CCDC15: variants seen among roughly 807,000 people sequenced by gnomAD.
CCDC15 encodes the protein coiled-coil domain containing 15.
CCDC15 carries 105 observed loss-of-function variants against 114.5 expected under a neutral mutation model. That is an observed-to-expected ratio of 0.92 (90% CI 0.78 to 1.08). The LOEUF (loss-of-function observed/expected upper bound fraction) is 1.08, where lower values mean the gene tolerates loss of function less well. CCDC15 is among the 50% of genes least tolerant of loss of function. The pLI, the probability that CCDC15 is intolerant of heterozygous loss-of-function variation, is 0.00. For synonymous variants in CCDC15, 334 were observed against 377.8 expected, an observed-to-expected ratio of 0.88 and a Z score of 1.34; for missense variants, 1,105 against 1,093.6, an observed-to-expected ratio of 1.01 and a Z score of -0.15.
At chr11:125,025,717 CAT>C (rs1288603279) in intron 13 of CCDC15, among the ~76,000 whole-genome samples, 1 of 151,800 alleles carries the variant, frequency 6.6e-6, no homozygotes, top group Admixed American at 6.6e-5. Context: ...TTATTAATGT[CAT>C]ATTTATTGAT....
At chr11:125,004,307 C>G (rs747049414) in intron 12 of CCDC15, among the ~76,000 whole-genome samples, 1 of 151,498 alleles carries the variant, frequency 6.6e-6, no homozygotes, top group Non-Finnish European at 1.5e-5. Context: ...GTTCTTAACC[C>G]TGGCCATGCA....
intron 6 of CCDC15, among the ~76,000 whole-genome samples, chr11:124,978,811 A>G (rs879411057): frequency 1.9e-5 from 2 of 105,418 alleles, no homozygotes; most frequent in Admixed American, 9.7e-5. Context: ...ATTAGATCCC[A>G]TTTGTCATTT....
At chr11:125,007,673 T>G (rs945425836) in intron 13 of CCDC15, among the ~76,000 whole-genome samples, 3 of 152,192 alleles carry the variant, frequency 2.0e-5, no homozygotes, top group African/African-American at 7.2e-5. Context: ...TTTCCATAAT[T>G]TCTGTATTAA....
At chr11:124,977,816 C>T (rs1948000862) in intron 6 of CCDC15, among the ~76,000 whole-genome samples, 1 of 152,070 alleles carries the variant, frequency 6.6e-6, no homozygotes, top group Non-Finnish European at 1.5e-5. Flanking sequence ...ACTGTTACCA[C>T]AATCTAATTT....
At chr11:125,027,470 T>C (rs569903680) in intron 13 of CCDC15, among the ~76,000 whole-genome samples, 1 of 152,226 alleles carries the variant, frequency 6.6e-6, no homozygotes, top group Non-Finnish European at 1.5e-5. Flanking sequence ...GGTTTTAATA[T>C]GCATTTCCCT....
At chr11:125,023,707 G>A (rs1948676930) in intron 13 of CCDC15, among the ~76,000 whole-genome samples, 1 of 151,980 alleles carries the variant, frequency 6.6e-6, no homozygotes, top group South Asian at 2.1e-4. Flanking sequence ...AATGTAAAAT[G>A]GTACAGCCAC....
chr11:125,039,390 A>C (rs1166042105), intron 15 of CCDC15: 1 of 229,568 alleles, frequency 4.4e-6, no homozygotes, highest in Non-Finnish European at 8.4e-6. Context: ...TATCCAGTTG[A>C]ATTCCCTATT....
chr11:125,013,161 C>T (rs1465526712), intron 13 of CCDC15, among the ~76,000 whole-genome samples: 1 of 151,956 alleles, frequency 6.6e-6, no homozygotes, highest in African/African-American at 2.4e-5. Context: ...AATTATAATG[C>T]TTAAAGTGAG....
intron 8 of CCDC15, among the ~76,000 whole-genome samples, chr11:124,990,019 C>T (rs1591594055): frequency 6.6e-6 from 1 of 152,216 alleles, no homozygotes; most frequent in African/African-American, 2.4e-5. Context: ...TACAAGAGGC[C>T]TAGCCTTCGG....
intron 13 of CCDC15, among the ~76,000 whole-genome samples, chr11:125,021,700 A>G (rs1012294196): frequency 6.6e-6 from 1 of 151,842 alleles, no homozygotes; most frequent in African/African-American, 2.4e-5. Context: ...GGAGAGGAAT[A>G]GCTACCAAAA....
chr11:125,038,812 C>A, intron 14 of CCDC15, 109 bp from the exon 15 acceptor site: 1 of 1,330,062 alleles, frequency 7.5e-7, no homozygotes, highest in Non-Finnish European at 1.0e-6. Context: ...AATGTCAAGG[C>A]CCAGAGATAC....
chr11:125,033,192 C>A lies in CCDC15; in HGVS notation c.2412-5239C>A, dbSNP rs145417374. On this transcript the variant is annotated intron_variant, in intron 13 of 15. Transcript: ENST00000344762. ...TAAAATTAGTCTTTTGTCCACTTGA[C>A]CTGGAATTTTTCTGCTTATATAAAT... Among the ~76,000 whole-genome samples, 1,033 of 152,232 alleles carry A rather than the reference C, an allele frequency of 6.8e-3. 49 individuals are homozygous for A. Among genetic ancestry groups the A allele is most frequent in the Admixed American group, 0.064 (980 of 15,284 alleles).
chr11:124,975,089 C>T lies in CCDC15; in HGVS notation c.517-7C>T. 1 of 1,552,642 alleles carries T rather than the reference C, an allele frequency of 6.4e-7. No individual in the cohort carries two copies. On this transcript the variant is annotated splice_region_variant and splice_polypyrimidine_tract_variant and intron_variant, in intron 4 of 15. Coordinates refer to ENST00000344762, the MANE Select transcript of CCDC15 (RefSeq NM_025004.3). ...TTTGTTTGCTTTCTTCCCCCTTTCC[C>T]TGGCAGCTTAGTGAAACTATGAAAC...
chr11:124,977,695 A>AT (rs943585444), intron 6 of CCDC15, 95 bp downstream of exon 6: 189 of 1,242,114 alleles, frequency 1.5e-4, no homozygotes, highest in Admixed American at 2.2e-4. Flanking sequence ...GATATCCAGT[A>AT]TTTTTTTTAA....
At chr11:124,962,729 A>G (rs1947690893) in intron 4 of CCDC15, among the ~76,000 whole-genome samples, 1 of 151,576 alleles carries the variant, frequency 6.6e-6, no homozygotes, top group South Asian at 2.1e-4. Context: ...TACATGTGCC[A>G]TGTTGGTGTG....
chr11:124,972,892 G>A (rs1947908951), intron 4 of CCDC15, among the ~76,000 whole-genome samples: 1 of 152,026 alleles, frequency 6.6e-6, no homozygotes, highest in South Asian at 2.1e-4. Context: ...GGACCCGTAT[G>A]GATAATCCAG....
chr11:124,993,073 G>A (rs1948297451), intron 10 of CCDC15, 96 bp from the exon 11 acceptor site: 1 of 746,548 alleles, frequency 1.3e-6, no homozygotes, highest in Non-Finnish European at 2.3e-6. Context: ...CTCACCTAGT[G>A]TCATTACTCT....
intron 13 of CCDC15, among the ~76,000 whole-genome samples, chr11:125,019,362 C>T (rs376713467): frequency 6.6e-6 from 1 of 151,910 alleles, no homozygotes; most frequent in African/African-American, 2.4e-5. Flanking sequence ...TTTAGAGACA[C>T]TAAGTTATTT....
chr11:125,026,623 A>G (rs1263485704), intron 13 of CCDC15, among the ~76,000 whole-genome samples: 2 of 152,146 alleles, frequency 1.3e-5, no homozygotes, highest in Admixed American at 6.5e-5. Flanking sequence ...CTATTTGGCT[A>G]TCTTGCCCTG....
Sources: gnomAD v4.1 joint callset for allele counts (sites outside exome capture counted in the v4.1 genomes callset) on GRCh38, gnomAD v4.1.1 for gene constraint, MANE v1.5 for transcripts, NCBI Gene and HGNC (gene_info 2026-07-23, HGNC 2026-07-21) for gene names.